The following UNC79 variants were observed in gnomAD, a reference collection of about 807,000 sequenced individuals.
The protein encoded by UNC79 is protein unc-79 homolog.
In UNC79, 37 loss-of-function variants were observed where a neutral mutation model predicts 283.1. The ratio of observed to expected loss-of-function variants is 0.13; its 90% CI spans 0.10 to 0.17. UNC79 has a LOEUF of 0.17. Among genes scored for constraint, UNC79 ranks in the 10% least tolerant of loss-of-function variants. The probability of loss-of-function intolerance (pLI) is 1.00; values close to 1 mark genes in which losing one functional copy is unlikely to be tolerated. For synonymous variants in UNC79, 1,107 were observed against 1,200.2 expected (o/e 0.92, Z 1.61); for missense variants, 2,272 against 3,211.1 (o/e 0.71, Z 7.07).
At chr14:93,623,976 AC>A (rs1252700500) in intron 30 of UNC79, among the ~76,000 whole-genome samples, 1 of 152,236 alleles carries the variant, frequency 6.6e-6, no homozygotes. Context: ...AGATATATAG[AC>A]TGTGGAATGT....
rs144689703 is a variant in UNC79, at chr14:93,637,236, C to T, written c.5737C>T (p.Arg1913Cys). 136 of 1,397,514 alleles carry T rather than the reference C, an allele frequency of 9.7e-5. 1 individual carries two copies. Among genetic ancestry groups the T allele is most frequent in the Non-Finnish European group, 1.3e-4 (126 of 982,308 alleles). The allele number at this position is 1,397,514 out of a possible 1,614,324, so 86.6% of individuals were successfully genotyped here. Residue 1913 changes from arginine (R) to cysteine (C), a missense_variant, in exon 32 of 49, where the codon CGC becomes TGC. Physicochemically the swap from Arg to Cys is radical, Grantham distance 180. Coordinates refer to ENST00000555664, the Ensembl canonical transcript of UNC79. Reference sequence around the variant, plus strand: ...CACAGAACAGATACAGCCTGGGAAACGCCAGTGTAACGTGCCAACGTGCCT... The same window carrying T: ...CACAGAACAGATACAGCCTGGGAAATGCCAGTGTAACGTGCCAACGTGCCT...
At chr14:93,489,214 A>G (rs1042415921) in intron 5 of UNC79, among the ~76,000 whole-genome samples, 1 of 152,254 alleles carries the variant, frequency 6.6e-6, no homozygotes, top group Non-Finnish European at 1.5e-5. Flanking sequence ...CTGGGATTAC[A>G]TGCATAAGCC....
chr14:93,449,169 G>A (rs2056556047), intron 1 of UNC79, among the ~76,000 whole-genome samples: 1 of 152,104 alleles, frequency 6.6e-6, no homozygotes. Context: ...GTGGGTCTTT[G>A]GTTTTGTTAT....
At chr14:93,461,985 G>A (rs200142623) in intron 1 of UNC79, among the ~76,000 whole-genome samples, 1 of 116,938 alleles carries the variant, frequency 8.6e-6, no homozygotes, top group Non-Finnish European at 1.9e-5. Flanking sequence ...AGAAAGAAAA[G>A]AAACACAAAA....
intron 14 of UNC79, among the ~76,000 whole-genome samples, chr14:93,569,642 G>A (rs2063104912): frequency 1.3e-5 from 2 of 152,272 alleles, no homozygotes; most frequent in East Asian, 3.9e-4. Flanking sequence ...GCAGTGTTGA[G>A]CTTTAACATG....
intron 20 of UNC79, 122 bp downstream of exon 20, chr14:93,582,466 C>T (rs1373449550): frequency 3.9e-5 from 53 of 1,353,998 alleles, no homozygotes; most frequent in East Asian, 2.3e-4. Context: ...AGTATAGACT[C>T]GTGCAGAGGA....
chr14:93,336,927 C>T (rs893214301), intron 1 of UNC79, among the ~76,000 whole-genome samples: 6 of 152,152 alleles, frequency 3.9e-5, no homozygotes, highest in African/African-American at 1.2e-4. Context: ...AGGCAGATCC[C>T]TCATGAATGG....
intron 1 of UNC79, among the ~76,000 whole-genome samples, chr14:93,400,545 A>G (rs1393686374): frequency 6.6e-6 from 1 of 152,222 alleles, no homozygotes; most frequent in East Asian, 1.9e-4. Flanking sequence ...ATTCATGGAT[A>G]AAGTAGTAAT....
At chr14:93,530,539 G>A (rs1390867524) in intron 10 of UNC79, among the ~76,000 whole-genome samples, 1 of 152,158 alleles carries the variant, frequency 6.6e-6, no homozygotes, top group Non-Finnish European at 1.5e-5. Flanking sequence ...TTAAGCCCAG[G>A]AGGTTGAGGC....
chr14:93,487,529 TG>T, intron 4 of UNC79, 133 bp from the exon 5 acceptor site: 1 of 628,510 alleles, frequency 1.6e-6, no homozygotes, highest in Non-Finnish European at 2.6e-6. Flanking sequence ...TGGTTTCATT[TG>T]TGCAAAACTT....
upstream of UNC79, among the ~76,000 whole-genome samples, chr14:93,426,777 T>TC (rs111871473): frequency 3.9e-5 from 6 of 151,942 alleles, no homozygotes; most frequent in African/African-American, 7.2e-5. Flanking sequence ...CATTTTTTTT[T>TC]CACTGCACTG....
intron 19 of UNC79, among the ~76,000 whole-genome samples, chr14:93,581,381 C>T (rs1483375010): frequency 2.6e-5 from 4 of 151,432 alleles, no homozygotes; most frequent in Non-Finnish European, 4.4e-5. Flanking sequence ...CTATGTTGCC[C>T]AGGCTGGTCT....
rs368486256 is a variant in UNC79 at position 93,622,811 on chromosome 14, C to A, written c.5578C>A (p.Leu1860Met). ...GTACCTCGACATCTCCTTCAACATTCTGGACAAACTGGGAGAACAGAAAGA... is the reference window on the plus strand; with the variant it reads ...GTACCTCGACATCTCCTTCAACATTATGGACAAACTGGGAGAACAGAAAGA... Residue 1860 changes from leucine (L) to methionine (M), a missense_variant, in exon 30 of 49, where the codon CTG (leucine) becomes ATG (methionine). Leu to Met is a conservative substitution (Grantham distance 15). Around this residue, in one of 11 missense-constraint regions of UNC79, gnomAD observed 580 missense variants for 632.2 expected, o/e 0.92. Transcript: ENST00000555664. The A allele has an allele frequency of 1.0e-4, 163 of 1,613,772 alleles. No individual in the cohort carries two copies. Among genetic ancestry groups the A allele is most frequent in the Non-Finnish European group, 1.4e-4 (161 of 1,179,842 alleles).
intron 3 of UNC79, among the ~76,000 whole-genome samples, chr14:93,475,645 A>G (rs1040060815): frequency 6.6e-6 from 1 of 152,158 alleles, no homozygotes; most frequent in Admixed American, 6.6e-5. Flanking sequence ...AGAGCTTACT[A>G]TGCTGATGAG....
chr14:93,496,937 T>C (rs916175109), intron 6 of UNC79, among the ~76,000 whole-genome samples: 2 of 152,204 alleles, frequency 1.3e-5, no homozygotes, highest in African/African-American at 4.8e-5. Context: ...GTACTCTACC[T>C]GTGAGGGCTC....
intron 1 of UNC79, among the ~76,000 whole-genome samples, chr14:93,456,424 A>G (rs2056798538): frequency 6.6e-6 from 1 of 152,112 alleles, no homozygotes; most frequent in Non-Finnish European, 1.5e-5. Context: ...GATGGTGACT[A>G]TTGAAGGTAG....
chr14:93,680,917 A>G (rs1036489849), intron 41 of UNC79, among the ~76,000 whole-genome samples: 3 of 152,184 alleles, frequency 2.0e-5, no homozygotes, highest in African/African-American at 7.2e-5. Context: ...CGTCTATCAA[A>G]TATTTCAGGT....
chr14:93,516,205 A>T (rs902570521), intron 7 of UNC79, among the ~76,000 whole-genome samples: 1 of 152,046 alleles, frequency 6.6e-6, no homozygotes, highest in Non-Finnish European at 1.5e-5. Flanking sequence ...TCCTTATACC[A>T]ATATCACATA....
intron 1 of UNC79, among the ~76,000 whole-genome samples, chr14:93,434,639 G>A (rs997783745): frequency 4.6e-5 from 7 of 152,124 alleles, no homozygotes; most frequent in African/African-American, 1.7e-4. Context: ...TCAGACTGCT[G>A]CCTGGGTTTG....
Sources: allele counts gnomAD v4.1 joint callset (sites outside exome capture counted in the v4.1 genomes callset), GRCh38; gene constraint gnomAD v4.1.1; regional missense constraint gnomAD v4.1.1; transcripts MANE v1.5; gene names NCBI Gene and HGNC (gene_info 2026-07-23, HGNC 2026-07-21).